Variants in SIMC1 observed in about 807,000 individuals in gnomAD.
SIMC1 encodes the protein SUMO-interacting motif-containing protein 1.
A neutral mutation model predicts 82.3 loss-of-function variants in SIMC1; 55 were observed. The observed-to-expected ratio is 0.67, with a 90% CI of 0.54 to 0.84. The LOEUF is 0.84. Ranked by LOEUF, SIMC1 falls within the 40% of genes least tolerant of loss-of-function variation. SIMC1 has a pLI of 0.00. For synonymous variants in SIMC1, 353 were observed against 426.3 expected (o/e 0.83, Z 2.12); for missense variants, 915 against 1,107.2 (o/e 0.83, Z 2.46).
chr5:176,263,436 A>C, intron 1 of SIMC1: 1 of 1,545,892 alleles, frequency 6.5e-7, no homozygotes, highest in Non-Finnish European at 8.7e-7. Flanking sequence ...GAAGCATGGC[A>C]CCAGCATCTG....
At chr5:176,313,943 C>A in intron 5 of SIMC1, 98 bp downstream of exon 5, 1 of 1,498,912 alleles carries the variant, frequency 6.7e-7, no homozygotes, top group Admixed American at 2.0e-5. Flanking sequence ...GTTTTCTAGT[C>A]AGTAGATAGT....
At chr5:176,294,162 T>A (rs1046665477) in intron 2 of SIMC1, among the ~76,000 whole-genome samples, 1 of 152,244 alleles carries the variant, frequency 6.6e-6, no homozygotes, top group East Asian at 1.9e-4. Context: ...TTTTGTATTT[T>A]TCTGTCTATG....
chr5:176,338,861 T>G (rs1766013311), intron 9 of SIMC1, among the ~76,000 whole-genome samples: 1 of 152,192 alleles, frequency 6.6e-6, no homozygotes, highest in South Asian at 2.1e-4. Flanking sequence ...CTTCACCATT[T>G]ACTCAGTGTT....
intron 5 of SIMC1, among the ~76,000 whole-genome samples, chr5:176,314,996 A>G (rs760884264): frequency 7.2e-5 from 11 of 152,208 alleles, no homozygotes; most frequent in Non-Finnish European, 1.5e-4. Flanking sequence ...GCTAAGCTAC[A>G]ATGTTCGGTA....
intron 9 of SIMC1, among the ~76,000 whole-genome samples, chr5:176,341,777 A>G (rs1054158060): frequency 6.7e-6 from 1 of 148,752 alleles, no homozygotes; most frequent in Non-Finnish European, 1.5e-5. Flanking sequence ...GATGATGATG[A>G]TGAAATAATA....
chr5:176,277,847 T>G (rs1581243893), intron 1 of SIMC1, among the ~76,000 whole-genome samples: 1 of 151,756 alleles, frequency 6.6e-6, no homozygotes, highest in Non-Finnish European at 1.5e-5. Context: ...TTTTGGTGAC[T>G]GTAGCCTTGT....
At position 176,307,766 on chromosome 5, in the gene SIMC1, G is replaced by A. The variant is rs190605912; in HGVS notation, c.1735-5925G>A. On this transcript the variant is annotated intron_variant, in intron 4 of 9. Coordinates refer to ENST00000429602, the MANE Select transcript of SIMC1 (RefSeq NM_001308195.2). The stretch of plus-strand genomic sequence containing the variant: ...AATAATAAACATTGCCAAGAATGTG[G>A]AGAACATAAGTCTCATAAATTGCTG... Among the ~76,000 whole-genome samples the A allele has an allele frequency of 4.6e-5, 7 of 152,306 alleles. 1 individual carries two copies. Among genetic ancestry groups the A allele is most frequent in the African/African-American group, 1.7e-4 (7 of 41,558 alleles).
At chr5:176,330,810 T>G (rs1366067202) in intron 7 of SIMC1, among the ~76,000 whole-genome samples, 1 of 152,154 alleles carries the variant, frequency 6.6e-6, no homozygotes, top group Non-Finnish European at 1.5e-5. Context: ...GGTGAAAGAT[T>G]GTGGAGTAAC....
rs1027081360 is a variant in SIMC1, at chr5:176,322,163, A to G, written c.1890-110A>G. On this transcript the variant is annotated intron_variant, in intron 5 of 9. Transcript: ENST00000429602. ...ATCTGGGGGCCCAGGTTAAGGCTAT[A>G]GTTCTGAGCACCATAAATACAACAG... 30 of 1,282,074 alleles carry G rather than the reference A, an allele frequency of 2.3e-5. No homozygotes were observed. The East Asian group carries it at 3.6e-4, about 15-fold the overall frequency. 79.4% of individuals were successfully genotyped at this position (1,282,074 alleles called of 1,614,324 possible). A position where few individuals can be genotyped will look rare whatever the true frequency, so the allele number is the denominator to read the frequency against.
chr5:176,265,359 A>T (rs547874681), intron 1 of SIMC1, among the ~76,000 whole-genome samples: 25 of 152,358 alleles, frequency 1.6e-4, no homozygotes, highest in African/African-American at 5.8e-4. Flanking sequence ...GTCTCCAAAG[A>T]GTAAAATTAA....
intron 4 of SIMC1, among the ~76,000 whole-genome samples, chr5:176,304,587 G>A (rs1371266666): frequency 1.3e-5 from 2 of 148,820 alleles, no homozygotes; most frequent in African/African-American, 4.9e-5. Context: ...TGCCGAGATT[G>A]CAGCCTCTGC....
In SIMC1 at chr5:176,251,997, G is replaced by A. The variant is rs867637666; in HGVS notation, c.129+13360G>A. Among the ~76,000 whole-genome samples the A allele has an allele frequency of 2.3e-3, 355 of 151,574 alleles. 3 individuals are homozygous for A. Among genetic ancestry groups the A allele is most frequent in the African/African-American group, 8.1e-3 (333 of 41,310 alleles). On this transcript the variant is annotated intron_variant, in intron 1 of 9. Coordinates refer to ENST00000429602, the MANE Select transcript of SIMC1 (RefSeq NM_001308195.2). ...TGTCTACTTCTTTCTACACAGACAC[G>A]GCAACCATCCGATTTCTCAATCTTT... is the stretch of plus-strand genomic sequence containing the variant.
At chr5:176,285,576 A>C (rs2113239193) in intron 1 of SIMC1, among the ~76,000 whole-genome samples, 1 of 152,126 alleles carries the variant, frequency 6.6e-6, no homozygotes, top group South Asian at 2.1e-4. Flanking sequence ...GAAAACTGGC[A>C]CAAGACAGGG....
chr5:176,296,230 T>C (rs776906814), intron 3 of SIMC1, 21 bp from the exon 4 acceptor site: 7 of 1,604,606 alleles, frequency 4.4e-6, no homozygotes, highest in Admixed American at 3.4e-5. Flanking sequence ...ATAATTCTAA[T>C]TGATTTCACT....
intron 1 of SIMC1, among the ~76,000 whole-genome samples, chr5:176,275,397 A>T (rs1762641629): frequency 6.6e-6 from 1 of 151,890 alleles, no homozygotes; most frequent in South Asian, 2.1e-4. Flanking sequence ...TTTTCTAAAT[A>T]TACAATCATG....
chr5:176,246,919 T>C (rs1254002330), intron 1 of SIMC1, among the ~76,000 whole-genome samples: 2 of 152,118 alleles, frequency 1.3e-5, no homozygotes, highest in East Asian at 3.9e-4. Context: ...TTCATCCATG[T>C]CCCTCCAAAG....
chr5:176,247,923 G>A (rs1561669199), intron 1 of SIMC1, among the ~76,000 whole-genome samples: 1 of 151,840 alleles, frequency 6.6e-6, no homozygotes, highest in Admixed American at 6.6e-5. Flanking sequence ...TTGTAGATGT[G>A]TGGCATTATT....
At position 176,290,701 on chromosome 5, in the gene SIMC1, C is replaced by G. The variant is rs1763519101; in HGVS notation, c.1177C>G (p.Pro393Ala). Residue 393 changes from proline to alanine, a missense_variant, in exon 2 of 10, where the codon CCA becomes GCA. By Grantham distance (27) the Pro-to-Ala change is conservative (BLOSUM62 -1). Transcript: ENST00000429602. ...TATGGATATCTCAGCTCTGTCCTCTCCAAGCTGCTCTCCCAGCCCACAGTC... is the reference window on the plus strand; with the variant it reads ...TATGGATATCTCAGCTCTGTCCTCTGCAAGCTGCTCTCCCAGCCCACAGTC... Reference protein sequence around the residue: ...MPMDISALSSPSCSPSPQSET... With the variant: ...MPMDISALSSASCSPSPQSET... The G allele has an allele frequency of 6.2e-7, 1 of 1,613,992 alleles. No individual in the cohort carries two copies. The highest frequency in any genetic ancestry group is 8.5e-7 in the Non-Finnish European group (1 of 1,179,886).
At chr5:176,311,257 A>C (rs548662526) in intron 4 of SIMC1, among the ~76,000 whole-genome samples, 24 of 152,266 alleles carry the variant, frequency 1.6e-4, no homozygotes, top group Admixed American at 9.8e-4. Flanking sequence ...TATTTTTGAG[A>C]CAGGGTCTCT....
Sources: allele counts gnomAD v4.1 joint callset (sites outside exome capture counted in the v4.1 genomes callset), GRCh38; gene constraint gnomAD v4.1.1; transcripts MANE v1.5; gene names NCBI Gene and HGNC (gene_info 2026-07-23, HGNC 2026-07-21).